Variants in TAS2R1 observed in about 807,000 individuals in gnomAD.
TAS2R1 encodes the protein taste 2 receptor member 1, also known as taste receptor type 2 member 1.
For missense variants in TAS2R1, 370 were observed against 353.4 expected (o/e 1.05, Z -0.38); for synonymous variants, 141 against 134.2 (o/e 1.05, Z -0.35).
chr5:9,865,352 T>C, the TAS2R1 span, among the ~76,000 whole-genome samples: 8 of 152,218 alleles, frequency 5.3e-5, no homozygotes, highest in African/African-American at 9.6e-5. Context: ...ATGACCTTAG[T>C]ACACTTCCAC....
At chr5:9,685,952 A>G (rs1480730557) in intron 1 of TAS2R1, among the ~76,000 whole-genome samples, 1 of 152,064 alleles carries the variant, frequency 6.6e-6, no homozygotes, top group East Asian at 1.9e-4. Flanking sequence ...TGCAACCTCC[A>G]CCTCCTGGGT....
chr5:9,902,032 T>C, the TAS2R1 span, among the ~76,000 whole-genome samples: 20 of 152,180 alleles, frequency 1.3e-4, 1 homozygote, highest in African/African-American at 4.6e-4. Context: ...TCTTTGATGT[T>C]ACGTCTGTCC....
chr5:9,706,404 G>A (rs1741611869), intron 1 of TAS2R1, among the ~76,000 whole-genome samples: 1 of 152,152 alleles, frequency 6.6e-6, no homozygotes, highest in Non-Finnish European at 1.5e-5. Context: ...CTGTCCAGTG[G>A]GTAGACGGGG....
chr5:9,719,081 A>G, the TAS2R1 span, among the ~76,000 whole-genome samples: 2 of 152,246 alleles, frequency 1.3e-5, no homozygotes, highest in African/African-American at 4.8e-5. Context: ...AAGGTATTGC[A>G]TCAATGTGTG....
chr5:9,640,658 G>A (rs1193447850), intron 2 of TAS2R1, among the ~76,000 whole-genome samples: 1 of 152,112 alleles, frequency 6.6e-6, no homozygotes, highest in Non-Finnish European at 1.5e-5. Context: ...CACTGCACCT[G>A]TCCTTTCTAT....
At chr5:9,841,802 G>C in the TAS2R1 span, among the ~76,000 whole-genome samples, 4 of 152,178 alleles carry the variant, frequency 2.6e-5, no homozygotes, top group Non-Finnish European at 5.9e-5. Context: ...AGCTTTCTTA[G>C]TGTTTGCTAT....
the TAS2R1 span, among the ~76,000 whole-genome samples, chr5:9,880,577 A>G: frequency 5.3e-5 from 8 of 152,218 alleles, no homozygotes; most frequent in Non-Finnish European, 1.0e-4. Context: ...GCTCAGCAGC[A>G]TCCCTATCCT....
chr5:9,667,209 C>T (rs1740652028), intron 1 of TAS2R1, among the ~76,000 whole-genome samples: 1 of 152,222 alleles, frequency 6.6e-6, no homozygotes, highest in Non-Finnish European at 1.5e-5. Context: ...AACACTCCCA[C>T]TTCTGCCTCA....
chr5:9,899,453 A>G, the TAS2R1 span, among the ~76,000 whole-genome samples: 1 of 152,238 alleles, frequency 6.6e-6, no homozygotes, highest in Admixed American at 6.5e-5. Context: ...CCTAACCAAT[A>G]TGGTGAAACC....
At chr5:9,727,217 C>T in the TAS2R1 span, among the ~76,000 whole-genome samples, 158 of 152,276 alleles carry the variant, frequency 1.0e-3, 2 homozygotes, top group Middle Eastern at 6.8e-3. Context: ...ATTGTTAGGC[C>T]TCAAAGAGAT....
intron 2 of TAS2R1, among the ~76,000 whole-genome samples, chr5:9,636,642 C>T (rs932071046): frequency 2.0e-5 from 3 of 152,000 alleles, no homozygotes; most frequent in Admixed American, 6.5e-5. Context: ...ATGATATTTT[C>T]CTGTTAGACT....
At chr5:9,896,475 A>G in the TAS2R1 span, among the ~76,000 whole-genome samples, 1 of 152,272 alleles carries the variant, frequency 6.6e-6, no homozygotes, top group East Asian at 1.9e-4. Context: ...GACGGGCTGA[A>G]GCTCTGCGAG....
chr5:9,804,801 C>A, the TAS2R1 span, among the ~76,000 whole-genome samples: 1 of 151,956 alleles, frequency 6.6e-6, no homozygotes, highest in African/African-American at 2.4e-5. Flanking sequence ...TGAAAAAGCA[C>A]AAATAGACAA....
At chr5:9,630,603 T>C (rs1739856047), upstream of TAS2R1, among the ~76,000 whole-genome samples, 1 of 152,152 alleles carries the variant, frequency 6.6e-6, no homozygotes, top group Non-Finnish European at 1.5e-5. Context: ...AAAATATACA[T>C]AATAAAAGTA....
chr5:9,787,685 A>G, the TAS2R1 span, among the ~76,000 whole-genome samples: 1 of 152,170 alleles, frequency 6.6e-6, no homozygotes, highest in South Asian at 2.1e-4. Context: ...TCTGCGTGCT[A>G]AGCAACCATG....
At chr5:9,898,984 C>T in the TAS2R1 span, among the ~76,000 whole-genome samples, 4 of 152,182 alleles carry the variant, frequency 2.6e-5, no homozygotes, top group Non-Finnish European at 5.9e-5. Flanking sequence ...ACTGCGAATT[C>T]TTGTTGGCTA....
chr5:9,888,538 G>A, the TAS2R1 span, among the ~76,000 whole-genome samples: 6 of 152,156 alleles, frequency 3.9e-5, no homozygotes, highest in East Asian at 1.2e-3. Flanking sequence ...AGAGCCTTCT[G>A]CCTAAAGCAC....
At chr5:9,720,120 T>C in the TAS2R1 span, among the ~76,000 whole-genome samples, 1 of 152,176 alleles carries the variant, frequency 6.6e-6, no homozygotes, top group African/African-American at 2.4e-5. Context: ...CTTCCATTTT[T>C]ATGGCTCCAA....
intron 1 of TAS2R1, among the ~76,000 whole-genome samples, chr5:9,683,348 T>A (rs1741062731): frequency 6.6e-6 from 1 of 152,202 alleles, no homozygotes; most frequent in South Asian, 2.1e-4. Context: ...GTGATTAAGA[T>A]GATGATACTC....
Sources: allele counts gnomAD v4.1 joint callset (sites outside exome capture counted in the v4.1 genomes callset), GRCh38; gene constraint gnomAD v4.1.1; transcripts MANE v1.5; gene names NCBI Gene and HGNC (gene_info 2026-07-23, HGNC 2026-07-21).